The following LIMCH1 variants were observed in gnomAD, a reference collection of about 807,000 sequenced individuals.
LIMCH1 encodes the protein LIM and calponin homology domains-containing protein 1.
In LIMCH1, 113 loss-of-function variants were observed where a neutral mutation model predicts 176.5. That is an observed-to-expected ratio of 0.64 (90% confidence interval 0.55 to 0.75). The LOEUF (loss-of-function observed/expected upper bound fraction) is 0.75, where lower values mean the gene tolerates loss of function less well. Ranked by LOEUF, LIMCH1 falls within the 30% of genes least tolerant of loss-of-function variation. The pLI is 0.00. For missense variants in LIMCH1, 1,674 were observed against 1,814.9 expected (o/e 0.92, Z 1.41); for synonymous variants, 619 against 645.9 (o/e 0.96, Z 0.63).
Position 41,646,492 on chromosome 4 carries a change from A to G in LIMCH1, c.2419A>G (p.Arg807Gly). Residue 807 changes from arginine (R) to glycine (G), a missense_variant, in exon 17 of 32, where the codon AGA (arginine) becomes GGA (glycine). By Grantham distance (125) the Arg-to-Gly change is moderately radical (BLOSUM62 -2). This residue lies in a region of LIMCH1 where 1,015 missense variants were observed against 1,102.5 expected (regional missense o/e 0.92). Transcript: ENST00000503057. ...TTCTCCCATGTCCTTTAGAGAGCGG[A>G]GAGAGAGAGAGCTGCATGAAGCATA... ...YREIVQEKER[R>G]ERELHEAYKN... 2 of 1,590,598 alleles carry G rather than the reference A, an allele frequency of 1.3e-6. No homozygotes were observed. The highest frequency in any genetic ancestry group is 1.7e-6 in the Non-Finnish European group (2 of 1,162,868).
At chr4:41,607,911 C>T (rs1393363175) in intron 4 of LIMCH1, among the ~76,000 whole-genome samples, 1 of 152,156 alleles carries the variant, frequency 6.6e-6, no homozygotes, top group Non-Finnish European at 1.5e-5. Context: ...CTTCACTGGA[C>T]TATCTGAGCA....
chr4:41,623,488 TG>T (rs557891062), intron 7 of LIMCH1, among the ~76,000 whole-genome samples: 12 of 152,326 alleles, frequency 7.9e-5, no homozygotes, highest in African/African-American at 2.6e-4. Flanking sequence ...CTGGGTGCGG[TG>T]GCCCAAACCT....
chr4:41,444,631 A>C (rs1255512079), intron 1 of LIMCH1, among the ~76,000 whole-genome samples: 1 of 152,178 alleles, frequency 6.6e-6, no homozygotes, highest in Non-Finnish European at 1.5e-5. Flanking sequence ...TAACTGTGAG[A>C]ACAAAAGTGC....
chr4:41,458,986 A>G (rs1472881336), intron 1 of LIMCH1, among the ~76,000 whole-genome samples: 3 of 152,104 alleles, frequency 2.0e-5, no homozygotes. Flanking sequence ...TCTAAGCCTC[A>G]TTATATTCAG....
At chr4:41,499,462 A>T (rs1233475694) in intron 2 of LIMCH1, among the ~76,000 whole-genome samples, 1 of 152,250 alleles carries the variant, frequency 6.6e-6, no homozygotes, top group East Asian at 1.9e-4. Context: ...TAACGTTTAA[A>T]GCATAGTCCA....
chr4:41,612,562 C>T, intron 4 of LIMCH1: 1 of 702,574 alleles, frequency 1.4e-6, no homozygotes, highest in South Asian at 1.5e-5. Flanking sequence ...GTAATTAATG[C>T]TAAGACACTG....
In LIMCH1 at chr4:41,474,307, T is replaced by C. The variant is rs945959752; in HGVS notation, c.97-20229T>C. On this transcript the variant is annotated intron_variant, in intron 1 of 26. Coordinates refer to the LIMCH1 transcript ENST00000313860. The stretch of plus-strand genomic sequence containing the variant: ...TTCAAGACCAGCCTGGCCAATGTGG[T>C]GAAACCCTGTCTCTACTAAAAATAC... Among the ~76,000 whole-genome samples the C allele has an allele frequency of 1.1e-4, 16 of 152,254 alleles. No homozygotes were observed. In the East Asian group the frequency reaches 2.9e-3, roughly 28 times the overall value.
At chr4:41,571,409 A>G (rs1016502001) in intron 1 of LIMCH1, among the ~76,000 whole-genome samples, 1 of 152,204 alleles carries the variant, frequency 6.6e-6, no homozygotes, top group African/African-American at 2.4e-5. Context: ...GAGTATTGAC[A>G]GTGCCGTTTC....
At chr4:41,502,561 A>G (rs879426847) in intron 2 of LIMCH1, among the ~76,000 whole-genome samples, 2 of 152,136 alleles carry the variant, frequency 1.3e-5, no homozygotes, top group Admixed American at 1.3e-4. Context: ...CTGCAACCTC[A>G]CCAGCATCTA....
rs114672382 is a variant in LIMCH1 at position 41,366,742 on chromosome 4, G to A, written c.96+5806G>A. On this transcript the variant is annotated intron_variant, in intron 1 of 26. Coordinates refer to the LIMCH1 transcript ENST00000313860. Reference sequence around the variant, plus strand: ...TTATATTTCAAGGAGGAATGATGCCGTGGAATTCAGTTCTGCTGTGATAAA... The same window carrying A: ...TTATATTTCAAGGAGGAATGATGCCATGGAATTCAGTTCTGCTGTGATAAA... 1.3e-3 allele frequency among the ~76,000 whole-genome samples: 205 copies of A among 152,288 alleles called. 1 individual carries two copies. Among genetic ancestry groups the A allele is most frequent in the Non-Finnish European group, 2.3e-3 (155 of 68,026 alleles).
chr4:41,383,749 G>A (rs1424793534), intron 1 of LIMCH1, among the ~76,000 whole-genome samples: 1 of 152,112 alleles, frequency 6.6e-6, no homozygotes, highest in Admixed American at 6.5e-5. Flanking sequence ...ATGTCTATAT[G>A]TATGTGTATG....
chr4:41,538,547 T>C (rs2078212244), intron 1 of LIMCH1, among the ~76,000 whole-genome samples, 197 bp downstream of exon 1: 1 of 138,430 alleles, frequency 7.2e-6, no homozygotes, highest in Non-Finnish European at 1.5e-5. Context: ...CTGTTGCTTT[T>C]AATTAAGCTT....
chr4:41,484,654 G>A (rs1018348566), intron 1 of LIMCH1, among the ~76,000 whole-genome samples: 5 of 152,040 alleles, frequency 3.3e-5, no homozygotes, highest in East Asian at 1.9e-4. Flanking sequence ...AGGAAATCAC[G>A]GTCTTCTGAA....
At chr4:41,691,982 G>A (rs1339147309) in intron 30 of LIMCH1, among the ~76,000 whole-genome samples, 1 of 152,130 alleles carries the variant, frequency 6.6e-6, no homozygotes, top group Non-Finnish European at 1.5e-5. Flanking sequence ...AGGTTAAGAC[G>A]CTAGGCTTTG....
intron 1 of LIMCH1, among the ~76,000 whole-genome samples, chr4:41,598,548 GA>G (rs1380162876): frequency 2.0e-5 from 3 of 151,878 alleles, no homozygotes; most frequent in Non-Finnish European, 4.4e-5. Flanking sequence ...AGAAAGAAAA[GA>G]AAAGAAATCA....
At chr4:41,620,933 G>C (rs865941169) in intron 7 of LIMCH1, among the ~76,000 whole-genome samples, 2 of 152,226 alleles carry the variant, frequency 1.3e-5, no homozygotes, top group African/African-American at 4.8e-5. Context: ...TGCAGCCCTT[G>C]TCTTTGTCAT....
chr4:41,574,243 C>T (rs1193588465), intron 1 of LIMCH1, among the ~76,000 whole-genome samples: 2 of 776 alleles, frequency 2.6e-3, no homozygotes, highest in Admixed American at 0.017. Flanking sequence ...CCCTCCCCTC[C>T]CCTCCCCTCC....
At chr4:41,517,731 C>T (rs1285307891) in intron 2 of LIMCH1, among the ~76,000 whole-genome samples, 1 of 152,004 alleles carries the variant, frequency 6.6e-6, no homozygotes, top group African/African-American at 2.4e-5. Context: ...AGAAAGAAAT[C>T]TTTTAAAATG....
At chr4:41,592,374 A>T (rs1218235974) in intron 1 of LIMCH1, among the ~76,000 whole-genome samples, 1 of 152,170 alleles carries the variant, frequency 6.6e-6, no homozygotes, top group Non-Finnish European at 1.5e-5. Context: ...AACTTTTGGT[A>T]TGTAGCCTGC....
Sources: allele counts gnomAD v4.1 joint callset (sites outside exome capture counted in the v4.1 genomes callset), GRCh38; gene constraint gnomAD v4.1.1; regional missense constraint gnomAD v4.1.1; transcripts MANE v1.5; gene names NCBI Gene and HGNC (gene_info 2026-07-23, HGNC 2026-07-21).